The following ATP6V0E1 variants were observed in gnomAD, a reference collection of about 807,000 sequenced individuals.
The protein encoded by ATP6V0E1 is ATPase H+ transporting V0 subunit e1.
Under a neutral mutation model 11.6 loss-of-function variants are expected in ATP6V0E1, and 4 were observed. That is an observed-to-expected ratio of 0.35 (90% confidence interval 0.17 to 0.79). ATP6V0E1 has a LOEUF of 0.79. Ranked by LOEUF, ATP6V0E1 falls within the 30% of genes least tolerant of loss-of-function variation. The pLI is 0.54. For synonymous variants in ATP6V0E1, 36 were observed against 34.8 expected, an observed-to-expected ratio of 1.04 and a Z score of -0.13; for missense variants, 105 against 100.0, an observed-to-expected ratio of 1.05 and a Z score of -0.21.
At chr5:173,016,135 T>A (rs1756396194) in intron 2 of ATP6V0E1, among the ~76,000 whole-genome samples, 1 of 152,196 alleles carries the variant, frequency 6.6e-6, no homozygotes, top group African/African-American at 2.4e-5. Flanking sequence ...TTATAGCCAG[T>A]TGGTCAGAAG....
chr5:173,029,460 T>G (rs927617882), intron 3 of ATP6V0E1, among the ~76,000 whole-genome samples: 1 of 152,104 alleles, frequency 6.6e-6, no homozygotes, highest in African/African-American at 2.4e-5. Flanking sequence ...TTTCCATTCC[T>G]CCTTCAGGCA....
chr5:173,032,786 C>T (rs1322945958), intron 3 of ATP6V0E1, among the ~76,000 whole-genome samples: 2 of 152,094 alleles, frequency 1.3e-5, no homozygotes, highest in Admixed American at 1.3e-4. Flanking sequence ...TTCACTACTT[C>T]AGTATTCTCA....
intron 3 of ATP6V0E1, among the ~76,000 whole-genome samples, chr5:173,027,458 T>C (rs1756581623): frequency 6.6e-6 from 1 of 151,138 alleles, no homozygotes; most frequent in Admixed American, 6.6e-5. Context: ...GCCGAGATCG[T>C]GCCACTGCAC....
intron 3 of ATP6V0E1, among the ~76,000 whole-genome samples, chr5:173,030,726 G>T (rs1756636593): frequency 4.0e-5 from 6 of 151,858 alleles, no homozygotes; most frequent in Admixed American, 3.9e-4. Context: ...GTGAGCCACT[G>T]CACCTGGCCC....
chr5:173,026,206 G>A (rs1200284036), intron 3 of ATP6V0E1, among the ~76,000 whole-genome samples: 3 of 151,988 alleles, frequency 2.0e-5, no homozygotes, highest in Non-Finnish European at 4.4e-5. Context: ...TTGTTGCCCA[G>A]GATGGTCTCA....
At chr5:173,029,484 C>A (rs189829795) in intron 3 of ATP6V0E1, among the ~76,000 whole-genome samples, 110 of 152,226 alleles carry the variant, frequency 7.2e-4, no homozygotes, top group African/African-American at 2.5e-3. Flanking sequence ...TGATTTCTGC[C>A]CCAACTTACT....
intron 3 of ATP6V0E1, among the ~76,000 whole-genome samples, chr5:173,032,313 G>T (rs1369003462): frequency 3.5e-5 from 5 of 144,174 alleles, no homozygotes; most frequent in East Asian, 2.0e-4. Context: ...TTTGAGATGG[G>T]GTCTTGCTCT....
At chr5:172,997,302 T>C (rs749205714) in intron 2 of ATP6V0E1, among the ~76,000 whole-genome samples, 29 of 152,202 alleles carry the variant, frequency 1.9e-4, no homozygotes, top group Non-Finnish European at 3.8e-4. Context: ...CACAGGTTTT[T>C]GAAACACGTA....
chr5:173,033,985 C>T (rs1434781335), intron 3 of ATP6V0E1, among the ~76,000 whole-genome samples: 1 of 152,224 alleles, frequency 6.6e-6, no homozygotes, highest in East Asian at 1.9e-4. Flanking sequence ...CAGTACAAGA[C>T]CAATGCAAGG....
At position 173,032,708 on chromosome 5, in the gene ATP6V0E1, A is replaced by G. The variant is rs528814863; in HGVS notation, c.*37-1691A>G. Among the ~76,000 whole-genome samples, 4 of 152,332 alleles carry G rather than the reference A, an allele frequency of 2.6e-5. No individual in the cohort carries two copies. In the South Asian group the frequency reaches 8.3e-4, roughly 32 times the overall value. On this transcript the variant is annotated intron_variant, in intron 3 of 3. Coordinates refer to ENST00000519374, the MANE Select transcript of ATP6V0E1 (RefSeq NM_003945.4). ...TTTTTGATTGTTTCTTTGTCACAAAATGCCTGTACTATGAAGAAGTCTAAT... is the reference window on the plus strand; with the variant it reads ...TTTTTGATTGTTTCTTTGTCACAAAGTGCCTGTACTATGAAGAAGTCTAAT...
At chr5:172,990,884 T>C (rs1331748282) in intron 1 of ATP6V0E1, among the ~76,000 whole-genome samples, 1 of 151,430 alleles carries the variant, frequency 6.6e-6, no homozygotes, top group East Asian at 1.9e-4. Flanking sequence ...GCCAGGTTGG[T>C]CTTAAACACC....
intron 2 of ATP6V0E1, among the ~76,000 whole-genome samples, chr5:173,006,127 T>G (rs1756226104): frequency 6.7e-6 from 1 of 150,058 alleles, no homozygotes; most frequent in Non-Finnish European, 1.5e-5. Flanking sequence ...GTCCTTATTG[T>G]GGTTTTTTTT....
chr5:173,019,283 A>C (rs545949), intron 2 of ATP6V0E1, among the ~76,000 whole-genome samples: 70,381 of 151,944 alleles, frequency 0.46, 18,681 homozygotes, highest in East Asian at 0.8. Context: ...CGGCTGGGCG[A>C]GGTGGCTCAC....
chr5:173,026,082 C>T (rs948920453), intron 3 of ATP6V0E1, among the ~76,000 whole-genome samples: 3 of 152,118 alleles, frequency 2.0e-5, no homozygotes, highest in East Asian at 1.9e-4. Context: ...CTGCAACCTC[C>T]GCTTCCTGGC....
At chr5:172,985,658 T>G (rs1755885628) in intron 1 of ATP6V0E1, among the ~76,000 whole-genome samples, 2 of 152,230 alleles carry the variant, frequency 1.3e-5, no homozygotes, top group Non-Finnish European at 2.9e-5. Context: ...AATGTACTAA[T>G]AGCACTGACA....
chr5:173,021,821 G>A (rs1050576914), intron 3 of ATP6V0E1, among the ~76,000 whole-genome samples: 2 of 152,220 alleles, frequency 1.3e-5, no homozygotes, highest in East Asian at 3.8e-4. Context: ...GGCTGAGGCA[G>A]GTGGATCACG....
At chr5:173,002,841 G>A (rs539003376) in intron 2 of ATP6V0E1, among the ~76,000 whole-genome samples, 1 of 151,864 alleles carries the variant, frequency 6.6e-6, no homozygotes, top group East Asian at 1.9e-4. Context: ...ATCAGCCATA[G>A]GGAAATTGGA....
intron 1 of ATP6V0E1, among the ~76,000 whole-genome samples, chr5:172,990,870 G>A (rs1180312040): frequency 6.6e-6 from 1 of 151,108 alleles, no homozygotes; most frequent in Non-Finnish European, 1.5e-5. Flanking sequence ...ATCTCGCTCT[G>A]TTGGCCAGGT....
intron 2 of ATP6V0E1, among the ~76,000 whole-genome samples, chr5:173,018,184 T>G (rs180762975): frequency 5.4e-4 from 83 of 152,350 alleles, no homozygotes; most frequent in Non-Finnish European, 1.9e-4. Flanking sequence ...AACAGTCAAT[T>G]AACACATAAT....
Sources: allele counts gnomAD v4.1 joint callset (sites outside exome capture counted in the v4.1 genomes callset), GRCh38; gene constraint gnomAD v4.1.1; transcripts MANE v1.5; gene names NCBI Gene and HGNC (gene_info 2026-07-23, HGNC 2026-07-21).